The following CTNNA3 variants were observed in gnomAD, a reference collection of about 807,000 sequenced individuals.
CTNNA3 encodes the protein catenin alpha 3, also known as catenin alpha-3.
CTNNA3 carries 76 observed loss-of-function variants against 95.7 expected under a neutral mutation model. The ratio of observed to expected loss-of-function variants is 0.79; its 90% CI spans 0.66 to 0.96. CTNNA3 has a LOEUF of 0.96. CTNNA3 is among the 40% of genes least tolerant of loss of function. CTNNA3 has a pLI of 0.00. For missense variants in CTNNA3, 1,191 were observed against 1,089.8 expected, an observed-to-expected ratio of 1.09 and a Z score of -1.31; for synonymous variants, 431 against 374.4, an observed-to-expected ratio of 1.15 and a Z score of -1.74.
intron 5 of CTNNA3, among the ~76,000 whole-genome samples, chr10:67,475,580 T>A (rs1847979007): frequency 6.6e-6 from 1 of 152,156 alleles, no homozygotes; most frequent in Admixed American, 6.5e-5. Flanking sequence ...TAATTTAAAT[T>A]AAAAAGCATG....
chr10:66,391,181 G>C (rs2441725), intron 11 of CTNNA3, among the ~76,000 whole-genome samples: 54,903 of 151,716 alleles, frequency 0.36, 11,963 homozygotes, highest in African/African-American at 0.6. Context: ...CTCGAATTTA[G>C]TTGACTTACT....
intron 7 of CTNNA3, among the ~76,000 whole-genome samples, chr10:67,088,786 A>G (rs185342701): frequency 9.9e-4 from 151 of 152,200 alleles, no homozygotes; most frequent in Non-Finnish European, 1.7e-3. Flanking sequence ...TATTCTCGTT[A>G]CAGACACTTG....
At chr10:66,840,886 T>C (rs191538572) in intron 7 of CTNNA3, among the ~76,000 whole-genome samples, 161 of 152,286 alleles carry the variant, frequency 1.1e-3, no homozygotes, top group South Asian at 0.01. Context: ...ATAGGAACTA[T>C]AGAGTAAATC....
chr10:67,297,934 C>T (rs1840112925), intron 5 of CTNNA3, among the ~76,000 whole-genome samples: 1 of 152,154 alleles, frequency 6.6e-6, no homozygotes, highest in African/African-American at 2.4e-5. Flanking sequence ...GAGGTTTCTT[C>T]CAGAAACTCC....
intron 9 of CTNNA3, among the ~76,000 whole-genome samples, chr10:66,688,720 C>T (rs1485327694): frequency 6.6e-6 from 1 of 151,938 alleles, no homozygotes; most frequent in Non-Finnish European, 1.5e-5. Context: ...GCCTGTAATC[C>T]CAGCACTTTG....
At chr10:66,632,356 C>A (rs547221387) in intron 9 of CTNNA3, among the ~76,000 whole-genome samples, 1 of 151,878 alleles carries the variant, frequency 6.6e-6, no homozygotes, top group African/African-American at 2.4e-5. Flanking sequence ...GAGTTTGAGA[C>A]CAGCCTGGCC....
chr10:66,599,031 T>G (rs1833966159), intron 10 of CTNNA3, among the ~76,000 whole-genome samples: 1 of 143,672 alleles, frequency 7.0e-6, no homozygotes, highest in Non-Finnish European at 1.5e-5. Flanking sequence ...AATATGGTAC[T>G]GGCATAAAAA....
intron 2 of CTNNA3, among the ~76,000 whole-genome samples, chr10:67,638,022 T>A (rs1394083398): frequency 6.6e-6 from 1 of 152,112 alleles, no homozygotes; most frequent in Non-Finnish European, 1.5e-5. Flanking sequence ...AATATTAACC[T>A]TAAATGTAAA....
chr10:66,900,443 CA>C (rs1314778494), intron 7 of CTNNA3, among the ~76,000 whole-genome samples: 1 of 151,930 alleles, frequency 6.6e-6, no homozygotes, highest in Non-Finnish European at 1.5e-5. Context: ...CAGAAAATTT[CA>C]AAAAAACAGA....
At chr10:67,298,249 C>A (rs573208511) in intron 5 of CTNNA3, among the ~76,000 whole-genome samples, 1 of 152,200 alleles carries the variant, frequency 6.6e-6, no homozygotes, top group African/African-American at 2.4e-5. Context: ...AAACTGCCAG[C>A]CTTAGCATTT....
intron 7 of CTNNA3, among the ~76,000 whole-genome samples, chr10:66,929,448 G>A (rs1431463291): frequency 6.6e-6 from 1 of 152,078 alleles, no homozygotes; most frequent in Non-Finnish European, 1.5e-5. Flanking sequence ...AATTTGTCAG[G>A]CTGCCCTGTT....
chr10:66,896,996 A>G (rs1015582440), intron 7 of CTNNA3, among the ~76,000 whole-genome samples: 6 of 152,142 alleles, frequency 3.9e-5, no homozygotes, highest in Non-Finnish European at 8.8e-5. Context: ...ATTCTGACAG[A>G]AGCTGTGGTG....
chr10:66,400,383 C>A (rs921076600), intron 11 of CTNNA3, among the ~76,000 whole-genome samples: 33 of 151,944 alleles, frequency 2.2e-4, no homozygotes, highest in Non-Finnish European at 4.3e-4. Flanking sequence ...AGCTCTTTTG[C>A]CCCAGTGGAT....
At chr10:66,154,662 C>T (rs1320611189) in intron 13 of CTNNA3, among the ~76,000 whole-genome samples, 1 of 142,348 alleles carries the variant, frequency 7.0e-6, no homozygotes, top group African/African-American at 2.6e-5. Context: ...TTTTTAGAAA[C>T]TCCCTGTAGT....
chr10:67,156,275 T>C (rs2132077578), intron 7 of CTNNA3, among the ~76,000 whole-genome samples: 1 of 152,130 alleles, frequency 6.6e-6, no homozygotes, highest in Non-Finnish European at 1.5e-5. Context: ...CTATGTTCTC[T>C]TGTATTTATT....
intron 12 of CTNNA3, among the ~76,000 whole-genome samples, chr10:66,335,515 G>C (rs1048027596): frequency 2.0e-5 from 3 of 152,018 alleles, no homozygotes; most frequent in Non-Finnish European, 2.9e-5. Context: ...TCTTTGCCTG[G>C]GTATCAGCAG....
chr10:67,643,701 A>T (rs1344794413), intron 2 of CTNNA3, among the ~76,000 whole-genome samples: 2 of 151,658 alleles, frequency 1.3e-5, no homozygotes, highest in Admixed American at 1.3e-4. Context: ...ACCTCCCAAC[A>T]GGCCCCAGTA....
chr10:67,094,362 C>A (rs528818832), intron 7 of CTNNA3, among the ~76,000 whole-genome samples: 8 of 151,602 alleles, frequency 5.3e-5, no homozygotes, highest in Non-Finnish European at 1.2e-4. Flanking sequence ...TGAACTAGGT[C>A]TTTTAAATTG....
chr10:66,935,569 A>G (rs187837970), intron 7 of CTNNA3, among the ~76,000 whole-genome samples: 4 of 152,126 alleles, frequency 2.6e-5, no homozygotes, highest in Admixed American at 1.3e-4. Context: ...CTAATATGGC[A>G]GAGGACATAT....
Sources: gnomAD v4.1 joint callset for allele counts (sites outside exome capture counted in the v4.1 genomes callset) on GRCh38, gnomAD v4.1.1 for gene constraint, MANE v1.5 for transcripts, NCBI Gene and HGNC (gene_info 2026-07-23, HGNC 2026-07-21) for gene names.